Variants in CYP46A1 observed in about 807,000 individuals in gnomAD.
CYP46A1 encodes the protein cholesterol 24-hydroxylase.
A neutral mutation model predicts 63.3 loss-of-function variants in CYP46A1; 20 were observed. The observed-to-expected ratio is 0.32, with a 90% CI of 0.22 to 0.46. CYP46A1 has a LOEUF of 0.46. Ranked by LOEUF, CYP46A1 falls within the 20% of genes least tolerant of loss-of-function variation. The pLI is 1.00. For missense variants in CYP46A1, 445 were observed against 670.8 expected (o/e 0.66, Z 3.72); for synonymous variants, 268 against 273.6 (o/e 0.98, Z 0.20).
At chr14:99,717,602 C>G (rs530569914) in intron 9 of CYP46A1, 1 of 157,312 alleles carries the variant, frequency 6.4e-6, no homozygotes, top group African/African-American at 2.4e-5. Context: ...TTAGAGTAAA[C>G]TCACGTCTGT....
At chr14:99,703,628 T>TAAGATGTC in intron 5 of CYP46A1, 1 of 985,372 alleles carries the variant, frequency 1.0e-6, no homozygotes, top group Non-Finnish European at 1.2e-6. Context: ...GATACCCAGC[T>TAAGATGTC]AAGATGTCAC....
intron 1 of CYP46A1, chr14:99,684,925 G>T (rs1378533233): frequency 1.2e-5 from 4 of 346,202 alleles, no homozygotes; most frequent in Non-Finnish European, 2.3e-5. Context: ...TTAACTTTGG[G>T]ACTTGGACAG....
chr14:99,684,699 T>C, intron 1 of CYP46A1, 163 bp downstream of exon 1: 2 of 676,644 alleles, frequency 3.0e-6, no homozygotes, highest in Non-Finnish European at 5.4e-6. Flanking sequence ...TAGTAACAAA[T>C]TACTCACAGC....
chr14:99,685,304 T>G (rs1187088966), intron 1 of CYP46A1, among the ~76,000 whole-genome samples: 1 of 10,476 alleles, frequency 9.5e-5, no homozygotes, highest in Admixed American at 8.8e-4. Context: ...TCTCCCAGCC[T>G]CCCCCTCCCC....
chr14:99,704,272 CAAT>C, intron 5 of CYP46A1, among the ~76,000 whole-genome samples: 1 of 152,150 alleles, frequency 6.6e-6, no homozygotes, highest in Non-Finnish European at 1.5e-5. Context: ...TTTAATCTCA[CAAT>C]AAGATGTTGT....
chr14:99,726,720 C>T lies in CYP46A1; in HGVS notation c.1496C>T (p.Pro499Leu). 2 of 1,529,006 alleles carry T rather than the reference C, an allele frequency of 1.3e-6. No homozygotes were observed. The highest frequency in any genetic ancestry group is 1.8e-6 in the Non-Finnish European group (2 of 1,136,526). The allele number at this position is 1,529,006 out of a possible 1,614,324, so 94.7% of individuals were successfully genotyped here. ...RGWQPAPPPP[P>L]C ...TGGCAGCCCGCACCCCCACCACCCC[C>T]CTGCTGAGGGGGCCTCCAGGCAGGA... Residue 499 changes from proline (P) to leucine (L), a missense_variant, in exon 15 of 15, where the codon CCC becomes CTC. Pro to Leu is a moderately conservative substitution (Grantham distance 98). Transcript: ENST00000261835.
chr14:99,713,669 A>G (rs1445408037), intron 7 of CYP46A1, among the ~76,000 whole-genome samples: 1 of 152,024 alleles, frequency 6.6e-6, no homozygotes, highest in Non-Finnish European at 1.5e-5. Context: ...ACTTGAGGGC[A>G]GGAGTTTCAG....
At chr14:99,693,996 C>G (rs115174330) in intron 3 of CYP46A1, among the ~76,000 whole-genome samples, 5 of 152,274 alleles carry the variant, frequency 3.3e-5, no homozygotes, top group South Asian at 2.1e-4. Context: ...TCCCCTCCCC[C>G]CAGACCCTGG....
intron 10 of CYP46A1, among the ~76,000 whole-genome samples, chr14:99,718,758 AATT>A (rs1463798518): frequency 2.0e-5 from 3 of 152,146 alleles, no homozygotes; most frequent in Middle Eastern, 3.2e-3. Context: ...CTTCAATTAC[AATT>A]ATTAGTCATC....
At chr14:99,684,638 T>C (rs61984440) in intron 1 of CYP46A1, 102 bp downstream of exon 1, 316,098 of 1,017,432 alleles carry the variant, frequency 0.31, 51,602 homozygotes, top group East Asian at 0.37. Flanking sequence ...CCTCGCCTAG[T>C]GCGCGCGGCC....
intron 7 of CYP46A1, 167 bp downstream of exon 7, chr14:99,707,845 A>G (rs2140126698): frequency 1.7e-6 from 1 of 597,626 alleles, no homozygotes; most frequent in Non-Finnish European, 2.9e-6. Context: ...CCTAAAGTAA[A>G]GGCTTAAAAT....
intron 5 of CYP46A1, 90 bp from the exon 6 acceptor site, chr14:99,706,557 A>G: frequency 1.3e-6 from 2 of 1,552,152 alleles, no homozygotes; most frequent in Non-Finnish European, 8.8e-7. Flanking sequence ...TTCACTCTGC[A>G]CAGTATCCTC....
At chr14:99,697,850 C>T (rs1420803751) in intron 3 of CYP46A1, among the ~76,000 whole-genome samples, 2 of 152,078 alleles carry the variant, frequency 1.3e-5, no homozygotes, top group Non-Finnish European at 2.9e-5. Context: ...CCTGGTCAGA[C>T]CCTGACTGAG....
In CYP46A1 at chr14:99,722,676, T is replaced by TGC. The variant is rs1555384076; in HGVS notation, c.1176+611_1176+612insCG. 1.3e-3 allele frequency among the ~76,000 whole-genome samples: 189 copies of TGC among 150,026 alleles called. 1 individual carries two copies. Among genetic ancestry groups the TGC allele is most frequent in the African/African-American group, 4.6e-3 (185 of 40,356 alleles). ...GTGTGTGTGTGTGTGTGTGTGTGTG[T>TGC]GTGCCTGTGTGCATTCACGCAGTAA... On this transcript the variant is annotated intron_variant, in intron 12 of 14. Transcript: ENST00000261835. This position sits in a 1 kb window ranked among gnomAD's most constrained non-coding sequence, Gnocchi z 4.6.
At chr14:99,719,005 G>A (rs780468713) in intron 10 of CYP46A1, among the ~76,000 whole-genome samples, 13 of 151,920 alleles carry the variant, frequency 8.6e-5, no homozygotes, top group Admixed American at 2.6e-4. Flanking sequence ...CAGCTTTGCC[G>A]TGTTTTTTGT....
rs1346681693 is a variant in CYP46A1, at chr14:99,722,560, C to A, written c.1176+494C>A. Reference sequence around the variant, plus strand: ...TCATGTATGATAGCCCCTAAACCCACCCCCAAACCAGGAAACTAGGATATA... The same window carrying A: ...TCATGTATGATAGCCCCTAAACCCAACCCCAAACCAGGAAACTAGGATATA... On this transcript the variant is annotated intron_variant, in intron 12 of 14. Transcript: ENST00000261835. The surrounding 1 kb of genome is among the most constrained non-coding windows in gnomAD (Gnocchi z 4.6). Among the ~76,000 whole-genome samples, 1 of 151,984 alleles carries A rather than the reference C, an allele frequency of 6.6e-6. No individual in the cohort carries two copies. The highest frequency in any genetic ancestry group is 1.5e-5 in the Non-Finnish European group (1 of 68,022).
At chr14:99,726,501 T>G in intron 14 of CYP46A1, 56 bp from the exon 15 acceptor site, 1 of 1,446,878 alleles carries the variant, frequency 6.9e-7, no homozygotes, top group East Asian at 2.5e-5. Flanking sequence ...GCTCATTCAC[T>G]CACTCATTCT....
At position 99,725,949 on chromosome 14, in the gene CYP46A1, A is replaced by G. The variant is rs1304927901; in HGVS notation, c.1266-241A>G. On this transcript the variant is annotated intron_variant, in intron 13 of 14. Coordinates refer to ENST00000261835, the MANE Select transcript of CYP46A1 (RefSeq NM_006668.2). The surrounding 1 kb of genome is among the most constrained non-coding windows in gnomAD (Gnocchi z 4.2). ...GAGTTGTTTTGCCCCTCTGAGCCTC[A>G]GTTTCTCCATCTGTGAAATGGGGAC... 6.6e-6 allele frequency among the ~76,000 whole-genome samples: 1 copy of G among 152,188 alleles called. No individual in the cohort carries two copies. The highest frequency in any genetic ancestry group is 1.5e-5 in the Non-Finnish European group (1 of 68,024).
chr14:99,720,572 C>T (rs1046249148), intron 10 of CYP46A1, among the ~76,000 whole-genome samples: 6 of 151,154 alleles, frequency 4.0e-5, no homozygotes, highest in African/African-American at 1.5e-4. Flanking sequence ...GATTCTCATG[C>T]CTCAGCCTCC....
Sources: allele counts gnomAD v4.1 joint callset (sites outside exome capture counted in the v4.1 genomes callset), GRCh38; gene constraint gnomAD v4.1.1; non-coding constraint Gnocchi (gnomAD v3.1); transcripts MANE v1.5; gene names NCBI Gene and HGNC (gene_info 2026-07-23, HGNC 2026-07-21).